Variants in TNRC6C observed in about 807,000 individuals in gnomAD.
The protein encoded by TNRC6C is trinucleotide repeat-containing gene 6C protein.
A neutral mutation model predicts 153.7 loss-of-function variants in TNRC6C; 20 were observed. The observed-to-expected ratio is 0.13, with a 90% CI of 0.09 to 0.19. The LOEUF is 0.19. TNRC6C is among the 10% of genes least tolerant of loss of function. The probability of loss-of-function intolerance (pLI) is 1.00; values close to 1 mark genes in which losing one functional copy is unlikely to be tolerated. For missense variants in TNRC6C, 1,987 were observed against 2,172.0 expected, an observed-to-expected ratio of 0.91 and a Z score of 1.69; for synonymous variants, 811 against 841.4, an observed-to-expected ratio of 0.96 and a Z score of 0.63.
At chr17:78,101,098 G>A (rs970385384) in intron 17 of TNRC6C, among the ~76,000 whole-genome samples, 6 of 152,054 alleles carry the variant, frequency 3.9e-5, no homozygotes, top group African/African-American at 7.2e-5. Context: ...TTTCATGTTC[G>A]ACTTTCCTTA....
intron 3 of TNRC6C, 130 bp downstream of exon 5, chr17:78,051,578 T>C: frequency 9.7e-7 from 1 of 1,034,950 alleles, no homozygotes; most frequent in Non-Finnish European, 1.3e-6. Context: ...TTAAGTTCCC[T>C]ATCACCGTGC....
At chr17:78,103,912 A>G (rs1237063534) in intron 19 of TNRC6C, among the ~76,000 whole-genome samples, 3 of 152,286 alleles carry the variant, frequency 2.0e-5, no homozygotes, top group Non-Finnish European at 4.4e-5. Context: ...TAAAGACCCC[A>G]TCTCCAAACG....
intron 16 of TNRC6C, 80 bp downstream of exon 19, chr17:78,097,941 C>A: frequency 8.6e-7 from 1 of 1,168,084 alleles, no homozygotes; most frequent in South Asian, 1.5e-5. Flanking sequence ...CCAGCTTTTC[C>A]TATTGGCTCT....
exon 18 of TNRC6C, chr17:78,102,478 T>C (rs1370480660): frequency 6.2e-7 from 1 of 1,606,980 alleles, no homozygotes. Flanking sequence ...TTGCAGGTTC[T>C]GCCTGGAGCA....
chr17:77,976,037 CTTTG>C lies in TNRC6C; in HGVS notation c.-38+16774_-38+16777del, dbSNP rs375560394. ...GGTTTAATTTTTATTTTCTCTGAGCCTTTGTTTGCTCAGCTAGAAGAAATGAATA... is the reference window on the plus strand; with the variant it reads ...GGTTTAATTTTTATTTTCTCTGAGCCTTTGCTCAGCTAGAAGAAATGAATA... On this transcript the variant is annotated intron_variant, in intron 1 of 22. Transcript: ENST00000636222. Among the ~76,000 whole-genome samples, 175 of 152,148 alleles carry C rather than the reference CTTTG, an allele frequency of 1.2e-3. 1 individual carries two copies. The East Asian group carries it at 0.029, about 26-fold the overall frequency.
rs139694043 is a variant in TNRC6C, at chr17:77,970,870, A to G, written c.-38+11602A>G. ...TAAAACATGAAAAAATTAGCTGAGC[A>G]TGGTGGCACATACCTGTAGTCCTAG... On this transcript the variant is annotated intron_variant, in intron 1 of 22. Transcript: ENST00000636222. Among the ~76,000 whole-genome samples the G allele has an allele frequency of 1.1e-3, 169 of 152,276 alleles. 1 individual carries two copies. The East Asian group carries it at 0.029, about 26-fold the overall frequency.
intron 1 of TNRC6C, among the ~76,000 whole-genome samples, chr17:78,019,764 C>G (rs903671218): frequency 2.0e-5 from 3 of 152,168 alleles, no homozygotes; most frequent in East Asian, 1.9e-4. Context: ...CCTGTATTCT[C>G]CTGCTGCATG....
In TNRC6C at chr17:78,016,234, C is replaced by G. The variant is rs141006272; in HGVS notation, c.-546+11155C>G. Among the ~76,000 whole-genome samples the G allele has an allele frequency of 2.5e-4, 38 of 152,338 alleles. No individual in the cohort carries two copies. In the East Asian group the frequency reaches 6.6e-3, roughly 26 times the overall value. ...GAAGCGGCACTAACACTGTCTCTCT[C>G]AGCCACAAAAGGAGCGATTGGGAAT... On this transcript the variant is annotated intron_variant, in intron 1 of 19. Coordinates refer to ENST00000301624, the Ensembl canonical transcript of TNRC6C.
At chr17:77,981,010 C>G (rs1013247340) in intron 1 of TNRC6C, among the ~76,000 whole-genome samples, 3 of 152,140 alleles carry the variant, frequency 2.0e-5, no homozygotes, top group African/African-American at 4.8e-5. Context: ...CAGTCTCACT[C>G]TATTGTCCAG....
intron 2 of TNRC6C, among the ~76,000 whole-genome samples, chr17:78,045,930 G>A (rs937277636): frequency 1.3e-4 from 20 of 151,706 alleles, no homozygotes; most frequent in South Asian, 2.1e-4. Context: ...TTTTAAAAAT[G>A]TTATAGGTAT....
At chr17:78,097,926 A>T in intron 16 of TNRC6C, 65 bp downstream of exon 19, 3 of 1,291,358 alleles carry the variant, frequency 2.3e-6, no homozygotes, top group Non-Finnish European at 2.1e-6. Context: ...AAACTTTGAC[A>T]GGCCCCAGCT....
At position 78,073,326 on chromosome 17, in the gene TNRC6C, C is replaced by T. The variant is rs566128071; in HGVS notation, c.2917+232C>T. Among the ~76,000 whole-genome samples, 10 of 152,302 alleles carry T rather than the reference C, an allele frequency of 6.6e-5. 2 individuals are homozygous for T. The highest frequency in any genetic ancestry group is 2.4e-4 in the African/African-American group (10 of 41,546). ...ATATTTGAAGCATGTTGGCTTTTCT[C>T]ATATTTTCCCGTTATGTTTTGAGGG... is the stretch of plus-strand genomic sequence containing the variant. On this transcript the variant is annotated intron_variant, in intron 7 of 19. Coordinates refer to ENST00000301624, the Ensembl canonical transcript of TNRC6C.
At chr17:77,974,203 C>T (rs2070966739) in intron 1 of TNRC6C, among the ~76,000 whole-genome samples, 1 of 152,042 alleles carries the variant, frequency 6.6e-6, no homozygotes, top group South Asian at 2.1e-4. Context: ...GCTCTCGTAA[C>T]TTAATAATAA....
Position 78,104,050 on chromosome 17 carries a change from A to G in TNRC6C, c.4713-435A>G, listed in dbSNP as rs960013472. ...TTTCTGCTGCTGAGTTGCTGTGTCTACTCCCTCCCTGTGACACATTCCTAC... is the reference window on the plus strand; with the variant it reads ...TTTCTGCTGCTGAGTTGCTGTGTCTGCTCCCTCCCTGTGACACATTCCTAC... On this transcript the variant is annotated intron_variant, in intron 19 of 19. Coordinates refer to ENST00000301624, the Ensembl canonical transcript of TNRC6C. This position sits in a 1 kb window ranked among gnomAD's most constrained non-coding sequence, Gnocchi z 6.2. 1.3e-5 allele frequency among the ~76,000 whole-genome samples: 2 copies of G among 150,962 alleles called. No homozygotes were observed. Among genetic ancestry groups the G allele is most frequent in the Non-Finnish European group, 3.0e-5 (2 of 67,772 alleles).
chr17:77,974,302 T>TTTC (rs1308523187), intron 1 of TNRC6C, among the ~76,000 whole-genome samples: 2 of 152,162 alleles, frequency 1.3e-5, no homozygotes, highest in Non-Finnish European at 2.9e-5. Context: ...ACAGATGAGA[T>TTTC]TTCTTGCTAT....
intron 2 of TNRC6C, among the ~76,000 whole-genome samples, chr17:78,039,796 G>A (rs548356691): frequency 6.6e-6 from 1 of 152,336 alleles, no homozygotes; most frequent in South Asian, 2.1e-4. Context: ...AGCCCGAGAG[G>A]AGGAGGGCCT....
chr17:78,086,352 A>C (rs911336910), intron 11 of TNRC6C, 151 bp from the exon 14 acceptor site: 7 of 504,758 alleles, frequency 1.4e-5, no homozygotes, highest in African/African-American at 2.2e-5. Flanking sequence ...AAAAAAAAAA[A>C]AAAAAAAACA....
intron 1 of TNRC6C, among the ~76,000 whole-genome samples, chr17:77,979,195 A>T (rs924838384): frequency 6.6e-6 from 1 of 152,242 alleles, no homozygotes; most frequent in Non-Finnish European, 1.5e-5. Context: ...GGAATTGAAA[A>T]GTGCAATATA....
chr17:78,017,584 T>C (rs1404315748), intron 1 of TNRC6C, among the ~76,000 whole-genome samples: 1 of 151,928 alleles, frequency 6.6e-6, no homozygotes, highest in Admixed American at 6.6e-5. Context: ...GTCTCTAGAG[T>C]TTCTCTCTGA....
Sources: gnomAD v4.1 joint callset for allele counts (sites outside exome capture counted in the v4.1 genomes callset) on GRCh38, gnomAD v4.1.1 for gene constraint, Gnocchi (gnomAD v3.1) non-coding constraint, MANE v1.5 for transcripts, NCBI Gene and HGNC (gene_info 2026-07-23, HGNC 2026-07-21) for gene names.